The following RASGRF1 variants were observed in gnomAD, a reference collection of about 807,000 sequenced individuals.
The protein encoded by RASGRF1 is Ras protein specific guanine nucleotide releasing factor 1, also known as ras-specific guanine nucleotide-releasing factor 1.
Under a neutral mutation model 138.7 loss-of-function variants are expected in RASGRF1, and 40 were observed. The ratio of observed to expected loss-of-function variants is 0.29; its 90% CI spans 0.22 to 0.38. The LOEUF is 0.38. Among genes scored for constraint, RASGRF1 ranks in the 10% least tolerant of loss-of-function variants. RASGRF1 has a pLI of 1.00. For missense variants in RASGRF1, 1,108 were observed against 1,650.4 expected (o/e 0.67, Z 5.69); for synonymous variants, 614 against 663.2 (o/e 0.93, Z 1.14).
At chr15:78,997,366 G>C (rs2056416853) in intron 19 of RASGRF1, among the ~76,000 whole-genome samples, 1 of 152,202 alleles carries the variant, frequency 6.6e-6, no homozygotes, top group African/African-American at 2.4e-5. Context: ...ACATGTCGGG[G>C]GTGAAGCTGA....
At chr15:79,047,419 C>T (rs540095016) in intron 4 of RASGRF1, among the ~76,000 whole-genome samples, 18 of 152,236 alleles carry the variant, frequency 1.2e-4, no homozygotes, top group Admixed American at 5.2e-4. Flanking sequence ...GGAGGTCGCC[C>T]GAGGATAAAG....
chr15:78,998,622 G>T, intron 18 of RASGRF1, 97 bp downstream of exon 18: 1 of 1,027,576 alleles, frequency 9.7e-7, no homozygotes, highest in Non-Finnish European at 1.5e-6. Context: ...CCAGCCATCA[G>T]CTCACTCTGC....
At chr15:78,964,478 A>C (rs907811597) in intron 26 of RASGRF1, among the ~76,000 whole-genome samples, 1 of 151,938 alleles carries the variant, frequency 6.6e-6, no homozygotes, top group Non-Finnish European at 1.5e-5. Flanking sequence ...CCTGGCCAGT[A>C]ATATTTATTT....
chr15:79,025,013 C>A (rs181062993), intron 10 of RASGRF1, among the ~76,000 whole-genome samples: 85 of 152,278 alleles, frequency 5.6e-4, no homozygotes, highest in Middle Eastern at 3.4e-3. Context: ...CATGCACACA[C>A]ACATGCCTTT....
Position 79,006,452 on chromosome 15 carries a change from A to G in RASGRF1, c.1827-18T>C. 2 of 1,604,360 alleles carry G rather than the reference A, an allele frequency of 1.2e-6. No homozygotes were observed. Among genetic ancestry groups the G allele is most frequent in the Non-Finnish European group, 1.7e-6 (2 of 1,176,960 alleles). ...CGTCGGACCTGAGAGGGGAGGAAGG[A>G]TGCAGAGGTGATGTGGGTCTAAAGG... is the stretch of plus-strand genomic sequence containing the variant. On this transcript the variant is annotated intron_variant, in intron 13 of 26. Coordinates refer to ENST00000558480, the MANE Select transcript of RASGRF1 (RefSeq NM_001145648.3). The surrounding 1 kb of genome is among the most constrained non-coding windows in gnomAD (Gnocchi z 4.0).
chr15:79,012,776 A>G (rs773084208), intron 13 of RASGRF1, among the ~76,000 whole-genome samples: 18 of 152,090 alleles, frequency 1.2e-4, no homozygotes, highest in Admixed American at 5.9e-4. Flanking sequence ...TCTGCCTCCT[A>G]GGCTCAAGTG....
intron 1 of RASGRF1, among the ~76,000 whole-genome samples, chr15:79,076,234 C>T (rs768314787): frequency 4.1e-5 from 6 of 145,288 alleles, no homozygotes; most frequent in Non-Finnish European, 9.1e-5. Flanking sequence ...TGTCTGGGAA[C>T]TTAAAGAAGC....
chr15:79,083,478 G>C (rs73479409), intron 1 of RASGRF1, among the ~76,000 whole-genome samples: 1 of 152,170 alleles, frequency 6.6e-6, no homozygotes, highest in Non-Finnish European at 1.5e-5. Flanking sequence ...GCCTTGGTGC[G>C]CTTCCCATCA....
rs2056618267 is a variant in RASGRF1, at chr15:79,004,210, CG to C, written c.2076-36del. ...GGGCGGGGGTGAAAATGACAGTTAG[CG>C]TAGGCCTGCCTGCCCGCCTAGGCCT... On this transcript the variant is annotated intron_variant, in intron 14 of 26. Transcript: ENST00000558480. The C allele has an allele frequency of 3.3e-6, 5 of 1,523,192 alleles. No homozygotes were observed. In the African/African-American group the frequency reaches 5.5e-5, roughly 17 times the overall value. The allele number at this position is 1,523,192 out of a possible 1,614,324, so 94.4% of individuals were successfully genotyped here. A position where few individuals can be genotyped will look rare whatever the true frequency, so the allele number is the denominator to read the frequency against.
chr15:78,971,621 G>T (rs527979602), intron 26 of RASGRF1, among the ~76,000 whole-genome samples: 19 of 152,340 alleles, frequency 1.2e-4, no homozygotes, highest in African/African-American at 3.8e-4. Context: ...TGCCCTGGGG[G>T]AGATTAGACA....
chr15:79,090,540 T>C lies in RASGRF1; in HGVS notation c.-42A>G. The C allele has an allele frequency of 6.3e-7, 1 of 1,592,454 alleles. No individual in the cohort carries two copies. Among genetic ancestry groups the C allele is most frequent in the Non-Finnish European group, 8.5e-7 (1 of 1,170,536 alleles). On this transcript the variant is annotated 5_prime_UTR_variant, in exon 1 of 27. Transcript: ENST00000558480. ...CGAGACCCCACGCGCTTACATCTTC[T>C]CCGCGCAGCAGCCCCCCGTCCGTGC... is the stretch of plus-strand genomic sequence containing the variant.
intron 1 of RASGRF1, chr15:79,064,788 T>C (rs2057654910): frequency 2.3e-6 from 1 of 443,276 alleles, no homozygotes. Flanking sequence ...CAACAACAAA[T>C]TGCAAAAAAG....
At chr15:79,023,177 GAA>G (rs113056568) in intron 10 of RASGRF1, among the ~76,000 whole-genome samples, 9 of 143,914 alleles carry the variant, frequency 6.3e-5, no homozygotes, top group East Asian at 2.0e-4. Flanking sequence ...CCGTCTTGGG[GAA>G]AAAAAAAAAA....
intron 2 of RASGRF1, among the ~76,000 whole-genome samples, chr15:79,060,932 G>C (rs2057595775): frequency 6.6e-6 from 1 of 151,918 alleles, no homozygotes; most frequent in African/African-American, 2.4e-5. Context: ...TGGCTCAGTT[G>C]ACCTTAAGGC....
chr15:79,049,622 C>G lies in RASGRF1; in HGVS notation c.532-34G>C. 1.9e-6 allele frequency: 3 copies of G among 1,582,036 alleles called. No homozygotes were observed. The East Asian group carries it at 6.8e-5, about 36-fold the overall frequency. ...GCAACACAGGTCAGCCTGTGAGGGG[C>G]GCTGGCTCACAGAGGCCCCAGGTCT... On this transcript the variant is annotated intron_variant, in intron 3 of 26. Transcript: ENST00000558480.
At chr15:79,039,476 G>GT (rs1347949177) in intron 5 of RASGRF1, among the ~76,000 whole-genome samples, 1 of 151,936 alleles carries the variant, frequency 6.6e-6, no homozygotes, top group Non-Finnish European at 1.5e-5. Flanking sequence ...TTTCATTGTT[G>GT]TTTTTTAAGA....
chr15:79,054,108 G>A (rs1371782042), intron 3 of RASGRF1, among the ~76,000 whole-genome samples: 1 of 152,250 alleles, frequency 6.6e-6, no homozygotes, highest in African/African-American at 2.4e-5. Context: ...TTGCAAGCTG[G>A]CATGATAGAG....
chr15:78,979,417 G>A (rs79589283), intron 24 of RASGRF1: 2,853 of 221,070 alleles, frequency 0.013, 90 homozygotes, highest in African/African-American at 0.058. Flanking sequence ...TGTTCCCTGC[G>A]TCAGCCGTGA....
rs2055820072 is a variant in RASGRF1 at position 78,973,824 on chromosome 15, C to G, written c.3495-404G>C. On this transcript the variant is annotated intron_variant, in intron 24 of 26. Coordinates refer to ENST00000558480, the MANE Select transcript of RASGRF1 (RefSeq NM_001145648.3). The surrounding 1 kb of genome is among the most constrained non-coding windows in gnomAD (Gnocchi z 4.9). ...CCCATCCGGATCCTCCCCCGAATCA[C>G]CTCCTGGAGGGCTCTGCAGCCCCAG... Among the ~76,000 whole-genome samples the G allele has an allele frequency of 6.6e-6, 1 of 152,162 alleles. No individual in the cohort carries two copies. Among genetic ancestry groups the G allele is most frequent in the South Asian group, 2.1e-4 (1 of 4,828 alleles).
Sources: allele counts gnomAD v4.1 joint callset (sites outside exome capture counted in the v4.1 genomes callset), GRCh38; gene constraint gnomAD v4.1.1; non-coding constraint Gnocchi (gnomAD v3.1); transcripts MANE v1.5; gene names NCBI Gene and HGNC (gene_info 2026-07-23, HGNC 2026-07-21).